Variants in SOS1 observed in about 807,000 individuals in gnomAD.
SOS1 encodes son of sevenless homolog 1.
Under a neutral mutation model 157.6 loss-of-function variants are expected in SOS1, and 25 were observed. The ratio of observed to expected loss-of-function variants is 0.16; its 90% CI spans 0.12 to 0.22. The LOEUF (loss-of-function observed/expected upper bound fraction) is 0.22. Among genes scored for constraint, SOS1 ranks in the 10% least tolerant of loss-of-function variants. SOS1 has a pLI of 1.00. For synonymous variants in SOS1, 528 were observed against 534.0 expected (o/e 0.99, Z 0.16); for missense variants, 1,237 against 1,599.1 (o/e 0.77, Z 3.86).
rs1673588906 is a variant in SOS1, at chr2:39,114,933, C to G, written c.87+5403G>C. Among the ~76,000 whole-genome samples, 4 of 152,088 alleles carry G rather than the reference C, an allele frequency of 2.6e-5. No homozygotes were observed. In the South Asian group the frequency reaches 8.3e-4, roughly 32 times the overall value. ...TTGAAGCATTCCTCTCTCAACTTCT[C>G]AGACACTAGGGTTTCATTCCTTCTG... On this transcript the variant is annotated intron_variant, in intron 1 of 22. Transcript: ENST00000402219.
Position 39,056,649 on chromosome 2 carries a change from A to G in SOS1, c.510+53T>C, listed in dbSNP as rs1008890803. 3 of 1,135,886 alleles carry G rather than the reference A, an allele frequency of 2.6e-6. No homozygotes were observed. The African/African-American group carries it at 4.6e-5, about 17-fold the overall frequency. 70.4% of individuals were successfully genotyped at this position (1,135,886 alleles called of 1,614,324 possible). ...CTATATGAATAGTACGTTAGCATCT[A>G]ATAAGTCATAAAAAGAAACTTAAGA... is the stretch of plus-strand genomic sequence containing the variant. On this transcript the variant is annotated intron_variant, in intron 4 of 22. Coordinates refer to ENST00000402219, the MANE Select transcript of SOS1 (RefSeq NM_005633.4).
intron 15 of SOS1, 52 bp downstream of exon 15, chr2:39,010,532 A>G: frequency 1.3e-6 from 2 of 1,550,954 alleles, no homozygotes; most frequent in Non-Finnish European, 1.8e-6. Flanking sequence ...TTGCATTGAA[A>G]TTCATAACAT....
chr2:39,037,741 A>G (rs1670407277), intron 6 of SOS1, among the ~76,000 whole-genome samples: 1 of 152,044 alleles, frequency 6.6e-6, no homozygotes, highest in Admixed American at 6.6e-5. Flanking sequence ...CTTCTTCACC[A>G]TTACTATTGA....
intron 2 of SOS1, among the ~76,000 whole-genome samples, chr2:39,067,070 T>C (rs1371587655): frequency 6.6e-6 from 1 of 152,176 alleles, no homozygotes; most frequent in African/African-American, 2.4e-5. Flanking sequence ...GGTTCCACTC[T>C]TTCATTCAGG....
chr2:38,998,168 G>C (rs1668961957), intron 17 of SOS1, among the ~76,000 whole-genome samples: 1 of 152,080 alleles, frequency 6.6e-6, no homozygotes, highest in African/African-American at 2.4e-5. Flanking sequence ...CAAAATAACA[G>C]GCACTTTCTA....
chr2:39,118,372 T>C (rs1673735698), intron 1 of SOS1, among the ~76,000 whole-genome samples: 2 of 152,196 alleles, frequency 1.3e-5, no homozygotes, highest in African/African-American at 4.8e-5. Context: ...AGTAAAAACG[T>C]AGGTTTTGAG....
intron 1 of SOS1, among the ~76,000 whole-genome samples, chr2:39,072,729 A>T (rs1370930501): frequency 6.6e-6 from 1 of 152,198 alleles, no homozygotes; most frequent in East Asian, 1.9e-4. Flanking sequence ...AATTAGCTTA[A>T]ACAGAAAATA....
chr2:39,067,811 T>A (rs943506507), intron 1 of SOS1, 58 bp from the exon 2 acceptor site: 10 of 1,506,414 alleles, frequency 6.6e-6, no homozygotes, highest in African/African-American at 2.8e-5. Flanking sequence ...AACAAATTTT[T>A]AAAACTTTAA....
intron 6 of SOS1, among the ~76,000 whole-genome samples, chr2:39,046,311 T>A (rs1030660436): frequency 2.6e-5 from 4 of 152,164 alleles, no homozygotes; most frequent in Non-Finnish European, 5.9e-5. Context: ...TTTCAAGTTA[T>A]TCTTCTATCA....
intron 10 of SOS1, among the ~76,000 whole-genome samples, chr2:39,018,457 G>A (rs978921530): frequency 4.0e-5 from 6 of 151,638 alleles, no homozygotes; most frequent in Non-Finnish European, 5.9e-5. Context: ...AAATAACCAG[G>A]TTATTTCAAA....
At chr2:39,037,616 CTTT>C (rs35085177) in intron 6 of SOS1, among the ~76,000 whole-genome samples, 1 of 148,762 alleles carries the variant, frequency 6.7e-6, no homozygotes, top group African/African-American at 2.5e-5. Context: ...CATATATTGC[CTTT>C]TTTTTTTTTA....
At chr2:39,099,184 G>C (rs566797496) in intron 1 of SOS1, among the ~76,000 whole-genome samples, 1 of 152,268 alleles carries the variant, frequency 6.6e-6, no homozygotes, top group South Asian at 2.1e-4. Flanking sequence ...ATAGCCAATA[G>C]GTAGAAACAA....
intron 17 of SOS1, among the ~76,000 whole-genome samples, chr2:38,997,921 TAGTC>T (rs2124480882): frequency 6.6e-6 from 1 of 152,316 alleles, no homozygotes; most frequent in East Asian, 1.9e-4. Flanking sequence ...AGTTTCTGCT[TAGTC>T]AGCTCTGACG....
chr2:39,114,600 C>G (rs1673576488), intron 1 of SOS1, among the ~76,000 whole-genome samples: 1 of 152,046 alleles, frequency 6.6e-6, no homozygotes, highest in Non-Finnish European at 1.5e-5. Flanking sequence ...CCTGGCCCGG[C>G]TGATTTGTTT....
At chr2:39,014,946 A>T in intron 10 of SOS1, 100 bp from the exon 11 acceptor site, 2 of 771,694 alleles carry the variant, frequency 2.6e-6, no homozygotes, top group Non-Finnish European at 2.3e-6. Flanking sequence ...TCAAGTTTAA[A>T]AGTTCCAAAA....
At chr2:39,080,154 T>C (rs571746686) in intron 1 of SOS1, among the ~76,000 whole-genome samples, 3 of 152,122 alleles carry the variant, frequency 2.0e-5, no homozygotes, top group African/African-American at 7.2e-5. Flanking sequence ...AGCCCTGTGC[T>C]TGTTTTTCTG....
In SOS1 at chr2:39,005,573, T is replaced by G. The variant is rs549065318; in HGVS notation, c.2791+839A>C. Reference sequence around the variant, plus strand: ...CATACAATTACAATTATATACAATGTGCACAGCAAAAAGATTAGAAGTAAA... The same window carrying G: ...CATACAATTACAATTATATACAATGGGCACAGCAAAAAGATTAGAAGTAAA... On this transcript the variant is annotated intron_variant, in intron 17 of 22. Transcript: ENST00000402219. Among the ~76,000 whole-genome samples, 30 of 152,208 alleles carry G rather than the reference T, an allele frequency of 2.0e-4. No individual in the cohort carries two copies. The South Asian group carries it at 2.7e-3, about 14-fold the overall frequency.
intron 1 of SOS1, among the ~76,000 whole-genome samples, chr2:39,107,518 T>G (rs1673243630): frequency 6.6e-6 from 1 of 152,070 alleles, no homozygotes; most frequent in Non-Finnish European, 1.5e-5. Flanking sequence ...GTCTGACAAC[T>G]CTCCCTGTCT....
At chr2:39,008,936 A>G (rs1320431540) in intron 15 of SOS1, among the ~76,000 whole-genome samples, 2 of 142,712 alleles carry the variant, frequency 1.4e-5, no homozygotes, top group Non-Finnish European at 3.0e-5. Flanking sequence ...AACCAATAGG[A>G]AAGTATGACT....
Sources: allele counts gnomAD v4.1 joint callset (sites outside exome capture counted in the v4.1 genomes callset), GRCh38; gene constraint gnomAD v4.1.1; transcripts MANE v1.5; gene names NCBI Gene and HGNC (gene_info 2026-07-23, HGNC 2026-07-21).